ZNF532: variants seen among roughly 807,000 people sequenced by gnomAD.
ZNF532 encodes the protein zinc finger protein 532.
ZNF532 carries 22 observed loss-of-function variants against 89.3 expected under a neutral mutation model. That is an observed-to-expected ratio of 0.25 (90% CI 0.18 to 0.35). ZNF532 has a LOEUF of 0.35. ZNF532 is among the 10% of genes least tolerant of loss of function. The pLI is 1.00. For missense variants in ZNF532, 1,132 were observed against 1,643.4 expected (o/e 0.69, Z 5.38); for synonymous variants, 606 against 649.6 (o/e 0.93, Z 1.02).
At chr18:58,908,193 A>G (rs1340368153) in intron 2 of ZNF532, among the ~76,000 whole-genome samples, 2 of 152,204 alleles carry the variant, frequency 1.3e-5, no homozygotes, top group Admixed American at 6.5e-5. Context: ...TTTTAGGTGG[A>G]AAATTTTTGG....
chr18:58,921,045 G>T (rs1349615490), intron 3 of ZNF532, among the ~76,000 whole-genome samples: 3 of 151,734 alleles, frequency 2.0e-5, no homozygotes, highest in Admixed American at 6.6e-5. Context: ...AGCTGTGATT[G>T]AGCCACTGCA....
chr18:58,926,458 C>T (rs1208588141), intron 3 of ZNF532, among the ~76,000 whole-genome samples: 1 of 152,204 alleles, frequency 6.6e-6, no homozygotes, highest in Admixed American at 6.5e-5. Flanking sequence ...CTGCCTTAGC[C>T]TCCCGAGTAG....
intron 2 of ZNF532, among the ~76,000 whole-genome samples, chr18:58,891,551 G>GA (rs761323528): frequency 2.0e-5 from 3 of 149,936 alleles, no homozygotes; most frequent in Non-Finnish European, 4.4e-5. Flanking sequence ...TGAAACCTGG[G>GA]ACGCTTGTAC....
At chr18:58,978,340 G>C (rs917395799) in intron 7 of ZNF532, among the ~76,000 whole-genome samples, 2 of 152,048 alleles carry the variant, frequency 1.3e-5, no homozygotes, top group African/African-American at 4.8e-5. Flanking sequence ...GTCATTAAAG[G>C]GTAGCCAGAG....
chr18:58,934,925 C>G (rs1441918980), intron 4 of ZNF532, among the ~76,000 whole-genome samples: 1 of 152,172 alleles, frequency 6.6e-6, no homozygotes, highest in Admixed American at 6.5e-5. Context: ...TTATCATACT[C>G]TTTGCATTTT....
chr18:58,916,456 G>A (rs1420196562), intron 2 of ZNF532, among the ~76,000 whole-genome samples: 1 of 152,116 alleles, frequency 6.6e-6, no homozygotes, highest in East Asian at 1.9e-4. Context: ...TTTTTGCATC[G>A]GTGGTAGCTT....
chr18:58,863,476 C>G (rs2056135953), upstream of ZNF532: 2 of 135,364 alleles, frequency 1.5e-5, no homozygotes, highest in African/African-American at 2.8e-5. Context: ...CGCCCGCGCT[C>G]CCTTTTGTTC....
intron 2 of ZNF532, among the ~76,000 whole-genome samples, chr18:58,916,318 A>G (rs1162983997): frequency 2.0e-5 from 3 of 152,218 alleles, no homozygotes; most frequent in South Asian, 2.1e-4. Flanking sequence ...CACGTTTTGC[A>G]GTTTAAATGT....
chr18:58,893,104 G>A (rs527939755), intron 2 of ZNF532, among the ~76,000 whole-genome samples: 1 of 150,360 alleles, frequency 6.7e-6, no homozygotes, highest in African/African-American at 2.5e-5. Flanking sequence ...TCAGCCTCCC[G>A]AGTAGCTGGG....
At chr18:58,888,715 A>ATATAAAATTATATATATATAATT (rs71173094) in intron 2 of ZNF532, among the ~76,000 whole-genome samples, 5 of 46,736 alleles carry the variant, frequency 1.1e-4, no homozygotes, top group Non-Finnish European at 1.3e-4. Flanking sequence ...ATATATATAT[A>ATATAAAATTATATATATATAATT]TATATATATA....
chr18:58,977,247 G>A (rs2067164503), intron 7 of ZNF532, among the ~76,000 whole-genome samples: 1 of 152,228 alleles, frequency 6.6e-6, no homozygotes, highest in Non-Finnish European at 1.5e-5. Flanking sequence ...GAAGTTGGCT[G>A]CATAACTTGA....
intron 2 of ZNF532, among the ~76,000 whole-genome samples, chr18:58,886,389 AT>A (rs879643401): frequency 3.0e-4 from 44 of 147,640 alleles, no homozygotes; most frequent in Non-Finnish European, 3.0e-4. Context: ...TTGTGACCTG[AT>A]TTTTTTTTTT....
At chr18:58,942,596 C>T (rs1441532181) in intron 5 of ZNF532, among the ~76,000 whole-genome samples, 1 of 152,008 alleles carries the variant, frequency 6.6e-6, no homozygotes, top group Non-Finnish European at 1.5e-5. Context: ...GGCTGCTGCA[C>T]CAGCTCTGTT....
intron 2 of ZNF532, among the ~76,000 whole-genome samples, chr18:58,875,871 G>C (rs2057379498): frequency 6.6e-6 from 1 of 151,154 alleles, no homozygotes; most frequent in African/African-American, 2.4e-5. Flanking sequence ...CCTCTCGGGA[G>C]CCCTTGTCGT....
At chr18:58,930,221 C>T (rs967169026) in intron 3 of ZNF532, among the ~76,000 whole-genome samples, 2 of 152,176 alleles carry the variant, frequency 1.3e-5, no homozygotes, top group African/African-American at 4.8e-5. Flanking sequence ...GGATGTCAAG[C>T]TTGAACACTC....
intron 6 of ZNF532, among the ~76,000 whole-genome samples, chr18:58,948,729 G>A (rs570170554): frequency 6.6e-6 from 1 of 151,918 alleles, no homozygotes; most frequent in South Asian, 2.1e-4. Context: ...CACCACACCC[G>A]GCTAATTTTT....
At chr18:58,951,656 T>TTGGTTTTTTTG (rs796177394) in intron 6 of ZNF532, among the ~76,000 whole-genome samples, 1 of 135,918 alleles carries the variant, frequency 7.4e-6, no homozygotes, top group African/African-American at 2.8e-5. Flanking sequence ...GTTTTTTTTT[T>TTGGTTTTTTTG]TTTTTTTTTT....
intron 2 of ZNF532, among the ~76,000 whole-genome samples, chr18:58,876,419 G>A (rs943682144): frequency 6.6e-6 from 1 of 152,142 alleles, no homozygotes. Flanking sequence ...CTTCCAAAGC[G>A]ATAAGATTCT....
At chr18:58,881,971 T>G (rs1164992717) in intron 2 of ZNF532, among the ~76,000 whole-genome samples, 7 of 152,204 alleles carry the variant, frequency 4.6e-5, no homozygotes, top group African/African-American at 1.7e-4. Context: ...TATTTTTTAT[T>G]TTTTGAGACA....
Sources: allele counts gnomAD v4.1 joint callset (sites outside exome capture counted in the v4.1 genomes callset), GRCh38; gene constraint gnomAD v4.1.1; transcripts MANE v1.5; gene names NCBI Gene and HGNC (gene_info 2026-07-23, HGNC 2026-07-21).